EXOC4: variants seen among roughly 807,000 people sequenced by gnomAD.
The protein encoded by EXOC4 is SEC8-like 1.
EXOC4 carries 71 observed loss-of-function variants against 107.2 expected under a neutral mutation model. The observed-to-expected ratio is 0.66, with a 90% CI of 0.55 to 0.81. EXOC4 has a LOEUF of 0.81. Among genes scored for constraint, EXOC4 ranks in the 30% least tolerant of loss-of-function variants. EXOC4 has a pLI of 0.00. For missense variants in EXOC4, 1,108 were observed against 1,189.6 expected (o/e 0.93, Z 1.01); for synonymous variants, 456 against 441.2 (o/e 1.03, Z -0.42).
intron 10 of EXOC4, among the ~76,000 whole-genome samples, chr7:133,692,140 G>A (rs1794434857): frequency 2.6e-5 from 4 of 152,078 alleles, no homozygotes; most frequent in Non-Finnish European, 4.4e-5. Flanking sequence ...TTATGAAGCA[G>A]TAGTAACAAA....
At chr7:133,850,430 GT>G (rs1263336592) in intron 11 of EXOC4, among the ~76,000 whole-genome samples, 2 of 151,816 alleles carry the variant, frequency 1.3e-5, no homozygotes, top group African/African-American at 4.8e-5. Context: ...AAATAAGTTT[GT>G]TTTTTGTTTT....
chr7:133,342,843 T>C (rs967347937), intron 5 of EXOC4, among the ~76,000 whole-genome samples: 2 of 152,218 alleles, frequency 1.3e-5, no homozygotes, highest in African/African-American at 4.8e-5. Context: ...TGCATATCTC[T>C]GAGTGTGTCT....
intron 10 of EXOC4, among the ~76,000 whole-genome samples, chr7:133,719,863 C>T (rs1429110993): frequency 1.3e-5 from 2 of 151,970 alleles, no homozygotes; most frequent in African/African-American, 2.4e-5. Flanking sequence ...TTTTCTAACC[C>T]CGTCTAGCAT....
chr7:133,270,270 G>A (rs1323211988), intron 1 of EXOC4, among the ~76,000 whole-genome samples: 1 of 152,064 alleles, frequency 6.6e-6, no homozygotes, highest in Admixed American at 6.6e-5. Flanking sequence ...CCCAGTCTTG[G>A]GTATGTTTTT....
At chr7:133,429,602 ACTCCCATTCCTGCTTCTCT>A (rs1797808186) in intron 7 of EXOC4, among the ~76,000 whole-genome samples, 1 of 151,970 alleles carries the variant, frequency 6.6e-6, no homozygotes, top group Admixed American at 6.6e-5. Context: ...ATTAGCAGTC[ACTCCCATTCCTGCTTCTCT>A]TCAGCCTTTG....
intron 10 of EXOC4, among the ~76,000 whole-genome samples, chr7:133,745,849 C>T (rs1188102508): frequency 6.6e-6 from 1 of 150,778 alleles, no homozygotes; most frequent in African/African-American, 2.4e-5. Flanking sequence ...CAATCTTTTT[C>T]TACCATTATA....
intron 7 of EXOC4, among the ~76,000 whole-genome samples, chr7:133,465,690 A>G (rs1437127566): frequency 6.6e-6 from 1 of 152,188 alleles, no homozygotes; most frequent in Non-Finnish European, 1.5e-5. Context: ...CATAAAGTAT[A>G]TCCTCTGACC....
intron 17 of EXOC4, among the ~76,000 whole-genome samples, chr7:134,022,291 A>AG (rs1795047732): frequency 6.6e-6 from 1 of 152,188 alleles, no homozygotes; most frequent in Non-Finnish European, 1.5e-5. Context: ...CCAGGGATAT[A>AG]GGTATTGAAA....
In EXOC4 at chr7:133,667,370, G is replaced by A. The variant is rs1793844450; in HGVS notation, c.1514+37229G>A. On this transcript the variant is annotated intron_variant, in intron 10 of 17. Coordinates refer to ENST00000253861, the MANE Select transcript of EXOC4 (RefSeq NM_021807.4). ...CAAATGCTTCTGAAACTGAAATGAA[G>A]CTTCCCAACACCTCAGTGAGTATAG... 2.0e-5 allele frequency among the ~76,000 whole-genome samples: 3 copies of A among 152,130 alleles called. No homozygotes were observed. The South Asian group carries it at 6.2e-4, about 32-fold the overall frequency.
At chr7:133,394,871 C>G (rs1035332427) in intron 7 of EXOC4, among the ~76,000 whole-genome samples, 12 of 150,160 alleles carry the variant, frequency 8.0e-5, no homozygotes, top group African/African-American at 1.7e-4. Context: ...TGACAATGTC[C>G]TTTTTAAAGA....
chr7:133,370,747 A>G (rs1004234351), intron 6 of EXOC4, among the ~76,000 whole-genome samples: 2 of 152,184 alleles, frequency 1.3e-5, no homozygotes, highest in African/African-American at 4.8e-5. Context: ...AAAGGTAACC[A>G]TTCTCCTCAG....
chr7:134,069,632 G>C (rs1011106875), downstream of EXOC4, among the ~76,000 whole-genome samples: 1 of 152,142 alleles, frequency 6.6e-6, no homozygotes, highest in African/African-American at 2.4e-5. Flanking sequence ...CAAGTAGCTG[G>C]AACTACAGAC....
At chr7:133,581,481 G>A (rs1432577280) in intron 9 of EXOC4, among the ~76,000 whole-genome samples, 4 of 152,110 alleles carry the variant, frequency 2.6e-5, no homozygotes, top group South Asian at 2.1e-4. Context: ...ACCTGAGGCC[G>A]GGCGCGGTGG....
intron 9 of EXOC4, among the ~76,000 whole-genome samples, chr7:133,502,424 A>C (rs763820388): frequency 4.1e-4 from 62 of 152,198 alleles, no homozygotes; most frequent in Admixed American, 2.0e-4. Flanking sequence ...TTTCTTGGAT[A>C]TTCAGTGGCT....
chr7:133,480,316 C>G, intron 9 of EXOC4, 178 bp downstream of exon 9: 1 of 1,435,198 alleles, frequency 7.0e-7, no homozygotes, highest in Non-Finnish European at 9.2e-7. Flanking sequence ...AAAACTATTA[C>G]TGTGGCCATA....
intron 13 of EXOC4, among the ~76,000 whole-genome samples, chr7:133,918,938 ATC>A (rs1799873795): frequency 6.6e-6 from 1 of 152,222 alleles, no homozygotes; most frequent in African/African-American, 2.4e-5. Flanking sequence ...CTGTGTTCTT[ATC>A]TCTCTCAAAT....
chr7:133,658,300 G>A (rs531419991), intron 10 of EXOC4, among the ~76,000 whole-genome samples: 1 of 152,232 alleles, frequency 6.6e-6, no homozygotes, highest in African/African-American at 2.4e-5. Context: ...CCTATGGTTT[G>A]AAAATGCAAC....
chr7:133,472,632 A>C (rs1255500612), intron 7 of EXOC4, among the ~76,000 whole-genome samples: 1 of 152,208 alleles, frequency 6.6e-6, no homozygotes, highest in Non-Finnish European at 1.5e-5. Context: ...AATAAATCAC[A>C]TTGTGATAAA....
At chr7:133,406,253 C>A (rs906858573) in intron 7 of EXOC4, among the ~76,000 whole-genome samples, 2 of 152,134 alleles carry the variant, frequency 1.3e-5, no homozygotes, top group African/African-American at 4.8e-5. Flanking sequence ...AAATCCCATG[C>A]CATTTTCTTA....
Sources: allele counts gnomAD v4.1 joint callset (sites outside exome capture counted in the v4.1 genomes callset), GRCh38; gene constraint gnomAD v4.1.1; transcripts MANE v1.5; gene names NCBI Gene and HGNC (gene_info 2026-07-23, HGNC 2026-07-21).